Variants in GPR158 observed in about 807,000 individuals in gnomAD.
The protein encoded by GPR158 is G protein-coupled receptor 158.
A neutral mutation model predicts 78.2 loss-of-function variants in GPR158; 30 were observed. That is an observed-to-expected ratio of 0.38 (90% CI 0.29 to 0.52). The LOEUF is 0.52. GPR158 is among the 20% of genes least tolerant of loss of function. GPR158 has a pLI of 0.83. For synonymous variants in GPR158, 581 were observed against 591.1 expected (o/e 0.98, Z 0.25); for missense variants, 1,463 against 1,523.5 (o/e 0.96, Z 0.66).
At chr10:25,385,558 G>A (rs1362785720) in intron 2 of GPR158, among the ~76,000 whole-genome samples, 1 of 152,008 alleles carries the variant, frequency 6.6e-6, no homozygotes, top group African/African-American at 2.4e-5. Context: ...TTCCATAGTG[G>A]CTACACCATT....
At chr10:25,218,800 T>A (rs569152063) in intron 1 of GPR158, among the ~76,000 whole-genome samples, 39 of 152,324 alleles carry the variant, frequency 2.6e-4, no homozygotes, top group African/African-American at 7.9e-4. Context: ...AAAAAAATTT[T>A]AAAATTTTTC....
At chr10:25,484,107 C>G (rs1835700627) in intron 5 of GPR158, among the ~76,000 whole-genome samples, 1 of 152,090 alleles carries the variant, frequency 6.6e-6, no homozygotes, top group Non-Finnish European at 1.5e-5. Flanking sequence ...TCTGGCTGTT[C>G]TTAACTTCTC....
chr10:25,350,630 A>G (rs570114971), intron 2 of GPR158, among the ~76,000 whole-genome samples: 5 of 152,102 alleles, frequency 3.3e-5, no homozygotes, highest in African/African-American at 7.2e-5. Context: ...CTCCATAATC[A>G]TTCTCCAGGG....
intron 5 of GPR158, among the ~76,000 whole-genome samples, chr10:25,469,831 G>GC (rs202178015): frequency 7.3e-4 from 99 of 136,162 alleles, no homozygotes; most frequent in African/African-American, 1.9e-3. Context: ...AATCTAATGA[G>GC]CCCCCCCCAA....
Position 25,189,834 on chromosome 10 carries a change from A to ATGTGTGTGTG in GPR158, c.902+13542_902+13551dup, listed in dbSNP as rs56205437. ...AAAAAAAGAGAAAAGAAAGGAAAGC[A>ATGTGTGTGTG]TGTGTGTGTGTGTGTGTGTGTGTGT... On this transcript the variant is annotated intron_variant, in intron 1 of 10. Transcript: ENST00000376351. Among the ~76,000 whole-genome samples, 760 of 120,496 alleles carry ATGTGTGTGTG rather than the reference A, an allele frequency of 6.3e-3. 8 individuals are homozygous for ATGTGTGTGTG. Among genetic ancestry groups the ATGTGTGTGTG allele is most frequent in the African/African-American group, 0.023 (720 of 30,710 alleles). The allele number at this position is 120,496 out of a possible 152,430, so 79.1% of individuals were successfully genotyped here.
At chr10:25,348,787 C>T (rs56982575) in intron 2 of GPR158, among the ~76,000 whole-genome samples, 9,783 of 151,968 alleles carry the variant, frequency 0.064, 799 homozygotes, top group African/African-American at 0.2. Context: ...TAGTATGTGG[C>T]ATGTGAAAAA....
chr10:25,180,242 A>G (rs998240014), intron 1 of GPR158, among the ~76,000 whole-genome samples: 2 of 152,206 alleles, frequency 1.3e-5, no homozygotes, highest in Non-Finnish European at 2.9e-5. Context: ...AGGGAAACCA[A>G]TACTTATTGA....
chr10:25,448,008 T>C (rs12253054), intron 4 of GPR158, among the ~76,000 whole-genome samples: 10,763 of 152,022 alleles, frequency 0.071, 562 homozygotes, highest in South Asian at 0.13. Context: ...TCTAGCAGCA[T>C]AGATTAGCTC....
intron 10 of GPR158, 95 bp from the exon 11 acceptor site, chr10:25,597,677 A>T (rs1034873838): frequency 1.4e-4 from 135 of 957,384 alleles, no homozygotes; most frequent in Non-Finnish European, 1.8e-4. Flanking sequence ...CCCAAATTAG[A>T]GCCCAAGTTT....
At chr10:25,189,057 A>C (rs1441391960) in intron 1 of GPR158, among the ~76,000 whole-genome samples, 1 of 152,242 alleles carries the variant, frequency 6.6e-6, no homozygotes, top group Non-Finnish European at 1.5e-5. Flanking sequence ...TGGCCACCAG[A>C]GAAATGCAAA....
At chr10:25,216,414 C>T (rs927205872) in intron 1 of GPR158, among the ~76,000 whole-genome samples, 3 of 152,192 alleles carry the variant, frequency 2.0e-5, no homozygotes, top group East Asian at 3.9e-4. Context: ...TATCCAGTCT[C>T]TCTATCCATT....
chr10:25,363,318 A>T (rs1162257191), intron 2 of GPR158, among the ~76,000 whole-genome samples: 2 of 151,874 alleles, frequency 1.3e-5, no homozygotes, highest in Non-Finnish European at 2.9e-5. Flanking sequence ...ATTCATTATC[A>T]TTCCAATGAT....
intron 2 of GPR158, among the ~76,000 whole-genome samples, chr10:25,364,264 A>G (rs532560312): frequency 3.3e-5 from 5 of 152,034 alleles, no homozygotes; most frequent in Admixed American, 2.6e-4. Flanking sequence ...CGTCTTCTCA[A>G]TGATTCATCC....
At chr10:25,227,818 TATTA>T (rs1853394514) in intron 2 of GPR158, among the ~76,000 whole-genome samples, 1 of 152,202 alleles carries the variant, frequency 6.6e-6, no homozygotes. Flanking sequence ...AAATATCGTA[TATTA>T]ATTTCTGAGA....
Position 25,597,725 on chromosome 10 carries a change from G to A in GPR158, c.2146-47G>A, listed in dbSNP as rs192634942. 24 of 1,433,974 alleles carry A rather than the reference G, an allele frequency of 1.7e-5. No homozygotes were observed. In the Admixed American group the frequency reaches 4.3e-4, roughly 26 times the overall value. The allele number at this position is 1,433,974 out of a possible 1,614,324, so 88.8% of individuals were successfully genotyped here. Reference sequence around the variant, plus strand: ...TACCATGTAGTGATCTTCTATGACTGGAACACTAAATTCTACACTTCTTTG... The same window carrying A: ...TACCATGTAGTGATCTTCTATGACTAGAACACTAAATTCTACACTTCTTTG... On this transcript the variant is annotated intron_variant, in intron 10 of 10. Coordinates refer to ENST00000376351, the MANE Select transcript of GPR158 (RefSeq NM_020752.3).
At chr10:25,486,284 G>A (rs3005192) in intron 5 of GPR158, among the ~76,000 whole-genome samples, 109,948 of 151,972 alleles carry the variant, frequency 0.72, 40,716 homozygotes, top group East Asian at 0.99. Context: ...TCTACTTTAA[G>A]TCATGCTTAC....
At chr10:25,284,802 A>G (rs1275763735) in intron 2 of GPR158, among the ~76,000 whole-genome samples, 1 of 151,762 alleles carries the variant, frequency 6.6e-6, no homozygotes, top group Non-Finnish European at 1.5e-5. Context: ...TGGTTACTGT[A>G]TGGTTTACAA....
intron 1 of GPR158, among the ~76,000 whole-genome samples, chr10:25,212,555 T>G (rs1325253273): frequency 6.6e-6 from 1 of 152,014 alleles, no homozygotes; most frequent in African/African-American, 2.4e-5. Flanking sequence ...TTTATTGTTC[T>G]TCATTAAGAG....
At chr10:25,404,230 G>C (rs1381747673) in intron 3 of GPR158, among the ~76,000 whole-genome samples, 2 of 152,002 alleles carry the variant, frequency 1.3e-5, no homozygotes, top group East Asian at 3.9e-4. Flanking sequence ...CAGGTCTCTT[G>C]ACTTTTGGTT....
Sources: allele counts gnomAD v4.1 joint callset (sites outside exome capture counted in the v4.1 genomes callset), GRCh38; gene constraint gnomAD v4.1.1; transcripts MANE v1.5; gene names NCBI Gene and HGNC (gene_info 2026-07-23, HGNC 2026-07-21).